Variants in FBLN1 observed in about 807,000 individuals in gnomAD.
FBLN1 encodes fibulin-1.
A neutral mutation model predicts 89.7 loss-of-function variants in FBLN1; 34 were observed. The observed-to-expected ratio is 0.38, with a 90% CI of 0.29 to 0.50. The LOEUF is 0.50. FBLN1 is among the 20% of genes least tolerant of loss of function. FBLN1 has a pLI of 0.92. For missense variants in FBLN1, 777 were observed against 988.1 expected (o/e 0.79, Z 2.86); for synonymous variants, 393 against 391.3 (o/e 1.00, Z -0.05).
At position 45,550,397 on chromosome 22, in the gene FBLN1, C is replaced by T. The variant is rs2088686133; in HGVS notation, c.1574-95C>T. ...GGGATGGCCTGATCGCCACCCCTAACCCTAGTTGATGGGAGGCCTGGGCTC... is the reference window on the plus strand; with the variant it reads ...GGGATGGCCTGATCGCCACCCCTAATCCTAGTTGATGGGAGGCCTGGGCTC... On this transcript the variant is annotated intron_variant, in intron 13 of 16. Transcript: ENST00000327858. This position sits in a 1 kb window ranked among gnomAD's most constrained non-coding sequence, Gnocchi z 8.4. 1 of 1,583,586 alleles carries T rather than the reference C, an allele frequency of 6.3e-7. No homozygotes were observed. The highest frequency in any genetic ancestry group is 8.6e-7 in the Non-Finnish European group (1 of 1,156,912).
rs143083980 is a variant in FBLN1, at chr22:45,585,386, T to G, written c.1972+8278T>G. ...ATCACCTCGTTAAAATTATTACCTC[T>G]TAAGGGGTTAAATGTGCGCCGCTGA... On this transcript the variant is annotated intron_variant, in intron 16 of 16. Coordinates refer to ENST00000327858, the MANE Select transcript of FBLN1 (RefSeq NM_006486.3). Among the ~76,000 whole-genome samples the G allele has an allele frequency of 2.1e-4, 32 of 152,318 alleles. No individual in the cohort carries two copies. The East Asian group carries it at 6.2e-3, about 29-fold the overall frequency.
At chr22:45,542,056 A>G (rs1426889578) in intron 9 of FBLN1, 99 bp from the exon 10 acceptor site, 20 of 1,563,842 alleles carry the variant, frequency 1.3e-5, no homozygotes, top group South Asian at 1.1e-5. Context: ...GCCTGTTTCC[A>G]TGTCCATGTG....
Position 45,536,046 on chromosome 22 carries a change from A to G in FBLN1, c.922+709A>G, listed in dbSNP as rs530749471. Among the ~76,000 whole-genome samples the G allele has an allele frequency of 1.7e-4, 26 of 152,296 alleles. No individual in the cohort carries two copies. The highest frequency in any genetic ancestry group is 6.2e-4 in the South Asian group (3 of 4,816). On this transcript the variant is annotated intron_variant, in intron 8 of 16. Transcript: ENST00000327858. The surrounding 1 kb of genome is among the most constrained non-coding windows in gnomAD (Gnocchi z 5.1). ...AAAAATTAGCTGGGTGTAGTGGCGC[A>G]TGCCTACAGTCCCAGCTACTTGGGA... is the stretch of plus-strand genomic sequence containing the variant.
At position 45,580,028 on chromosome 22, in the gene FBLN1, C is replaced by T. The variant is rs1249094540; in HGVS notation, c.1972+2920C>T. On this transcript the variant is annotated intron_variant, in intron 16 of 16. Coordinates refer to ENST00000327858, the MANE Select transcript of FBLN1 (RefSeq NM_006486.3). The surrounding 1 kb of genome is among the most constrained non-coding windows in gnomAD (Gnocchi z 8.6). ...TGCTGGGCACCTTCACCCCCGCATT[C>T]CCCAGTCCTCACAGACACTGCCAGC... 6.6e-6 allele frequency among the ~76,000 whole-genome samples: 1 copy of T among 152,106 alleles called. No individual in the cohort carries two copies. The highest frequency in any genetic ancestry group is 1.5e-5 in the Non-Finnish European group (1 of 68,020).
At chr22:45,520,993 T>C (rs1315023843) in intron 2 of FBLN1, among the ~76,000 whole-genome samples, 1 of 152,040 alleles carries the variant, frequency 6.6e-6, no homozygotes, top group African/African-American at 2.4e-5. Flanking sequence ...TTTTTGTATT[T>C]TTAGTAGAGA....
In FBLN1 at chr22:45,568,610, GGGAATGCTCCTCCTGTAA is replaced by G. The variant is rs1569260232; in HGVS notation, c.1698-5898_1698-5881del. Among the ~76,000 whole-genome samples, 54 of 38,888 alleles carry G rather than the reference GGGAATGCTCCTCCTGTAA, an allele frequency of 1.4e-3. 2 individuals are homozygous for G. The highest frequency in any genetic ancestry group is 1.8e-3 in the Non-Finnish European group (26 of 14,630). 25.5% of individuals were successfully genotyped at this position (38,888 alleles called of 152,430 possible). A position where few individuals can be genotyped will look rare whatever the true frequency, so the allele number is the denominator to read the frequency against. On this transcript the variant is annotated intron_variant, in intron 14 of 16. Coordinates refer to ENST00000327858, the MANE Select transcript of FBLN1 (RefSeq NM_006486.3). ...CTGTAGGGGAATGCTCCTTCTGTAA[GGGAATGCTCCTCCTGTAA>G]GGGAATGCCTCTTCTGTGGGAGAAT...
chr22:45,535,141 T>C (rs773395384), intron 7 of FBLN1, 59 bp from the exon 8 acceptor site: 17 of 1,601,656 alleles, frequency 1.1e-5, no homozygotes, highest in Non-Finnish European at 1.5e-5. Context: ...TTTTAAAGTG[T>C]TGTAAGATGC....
Position 45,576,719 on chromosome 22 carries a change from T to C in FBLN1, c.1841-258T>C, listed in dbSNP as rs2089000261. ...CTCACCAGCCCTTCCTCTGATTAGC[T>C]CTGTGTCCCCGAGGAAGATCCAAAA... On this transcript the variant is annotated intron_variant, in intron 15 of 16. Transcript: ENST00000327858. The surrounding 1 kb of genome is among the most constrained non-coding windows in gnomAD (Gnocchi z 5.2). Among the ~76,000 whole-genome samples the C allele has an allele frequency of 6.6e-6, 1 of 152,152 alleles. No individual in the cohort carries two copies.
chr22:45,585,910 G>T (rs2089081507), intron 16 of FBLN1, among the ~76,000 whole-genome samples: 1 of 152,142 alleles, frequency 6.6e-6, no homozygotes, highest in African/African-American at 2.4e-5. Context: ...CCTCCTTGAG[G>T]TTATCAGCCC....
At position 45,536,918 on chromosome 22, in the gene FBLN1, C is replaced by G. The variant is rs1253627074; in HGVS notation, c.922+1581C>G. 6.6e-6 allele frequency among the ~76,000 whole-genome samples: 1 copy of G among 152,210 alleles called. No individual in the cohort carries two copies. The highest frequency in any genetic ancestry group is 1.5e-5 in the Non-Finnish European group (1 of 68,040). On this transcript the variant is annotated intron_variant, in intron 8 of 16. Coordinates refer to ENST00000327858, the MANE Select transcript of FBLN1 (RefSeq NM_006486.3). This position sits in a 1 kb window ranked among gnomAD's most constrained non-coding sequence, Gnocchi z 5.1. ...GGGTGCGGCCGGGGAGCTGGCCGGC[C>G]TGGGTTACTGGTTCTGGAAAGACAG... is the stretch of plus-strand genomic sequence containing the variant.
intron 16 of FBLN1, among the ~76,000 whole-genome samples, chr22:45,591,144 G>A (rs2089132803): frequency 6.6e-6 from 1 of 152,206 alleles, no homozygotes; most frequent in African/African-American, 2.4e-5. Context: ...CTTGGTGGAA[G>A]GGGCAGTGGC....
At chr22:45,543,771 C>T (rs952016730) in intron 11 of FBLN1, among the ~76,000 whole-genome samples, 8 of 152,232 alleles carry the variant, frequency 5.3e-5, no homozygotes, top group Admixed American at 4.6e-4. Context: ...AGAGGCCATG[C>T]GGGATGTGGC....
chr22:45,598,360 T>TACCC (rs2089203579), intron 16 of FBLN1, among the ~76,000 whole-genome samples: 1 of 152,202 alleles, frequency 6.6e-6, no homozygotes, highest in Non-Finnish European at 1.5e-5. Flanking sequence ...GTTAGATAGT[T>TACCC]ACCCCACATC....
At chr22:45,594,730 ATAGATGGATGGGTGAG>A (rs1745329206) in intron 16 of FBLN1, among the ~76,000 whole-genome samples, 2 of 128,006 alleles carry the variant, frequency 1.6e-5, no homozygotes, top group South Asian at 2.7e-4. Flanking sequence ...GGATGGATGG[ATAGATGGATGGGTGAG>A]TGGATAGATG....
chr22:45,557,920 C>T lies in FBLN1; in HGVS notation c.1697+7305C>T, dbSNP rs2088809072. On this transcript the variant is annotated intron_variant, in intron 14 of 16. Transcript: ENST00000327858. This position sits in a 1 kb window ranked among gnomAD's most constrained non-coding sequence, Gnocchi z 4.9. Reference sequence around the variant, plus strand: ...ACAACCAGGTGCATTGCTTGAAGTTCTGCCCACTGGGAAGATTTCCCTTTG... The same window carrying T: ...ACAACCAGGTGCATTGCTTGAAGTTTTGCCCACTGGGAAGATTTCCCTTTG... 3.2e-6 allele frequency: 2 copies of T among 616,790 alleles called. No individual in the cohort carries two copies. Among genetic ancestry groups the T allele is most frequent in the East Asian group, 3.0e-5 (1 of 33,128 alleles). 38.2% of individuals were successfully genotyped at this position (616,790 alleles called of 1,614,324 possible).
intron 9 of FBLN1, 63 bp from the exon 10 acceptor site, chr22:45,542,092 C>A (rs1320597193): frequency 1.9e-6 from 3 of 1,612,048 alleles, no homozygotes; most frequent in Admixed American, 1.7e-5. Flanking sequence ...CCTTTCTGAT[C>A]ATCTTGGGGG....
At position 45,563,260 on chromosome 22, in the gene FBLN1, G is replaced by T. The variant is rs751651153; in HGVS notation, c.1698-11251G>T. ...AGCTTTTCATCTTTGTGTCTGCAGAGCTCTGAGCACTCGCTTCGCGTCGCG... is the reference window on the plus strand; with the variant it reads ...AGCTTTTCATCTTTGTGTCTGCAGATCTCTGAGCACTCGCTTCGCGTCGCG... On this transcript the variant is annotated intron_variant, in intron 14 of 16. Transcript: ENST00000327858. This position sits in a 1 kb window ranked among gnomAD's most constrained non-coding sequence, Gnocchi z 5.7. The T allele has an allele frequency of 1.9e-6, 3 of 1,613,616 alleles. No individual in the cohort carries two copies. The highest frequency in any genetic ancestry group is 2.5e-6 in the Non-Finnish European group (3 of 1,180,042).
At position 45,591,000 on chromosome 22, in the gene FBLN1, C is replaced by T. The variant is rs191418095; in HGVS notation, c.1973-9307C>T. On this transcript the variant is annotated intron_variant, in intron 16 of 16. Coordinates refer to ENST00000327858, the MANE Select transcript of FBLN1 (RefSeq NM_006486.3). This position sits in a 1 kb window ranked among gnomAD's most constrained non-coding sequence, Gnocchi z 4.1. ...GGCTGAGGTCGGCTCAGGAGACACA[C>T]GGAGGGAGGGGACATGATTTCTTAT... 1.7e-3 allele frequency among the ~76,000 whole-genome samples: 254 copies of T among 152,122 alleles called. 1 individual carries two copies. The highest frequency in any genetic ancestry group is 5.9e-3 in the African/African-American group (243 of 41,498).
chr22:45,570,569 TAAC>T (rs2088945221), intron 14 of FBLN1, among the ~76,000 whole-genome samples: 2 of 151,196 alleles, frequency 1.3e-5, no homozygotes, highest in African/African-American at 4.9e-5. Flanking sequence ...AAGAAAGAAA[TAAC>T]AAGAGATGAA....
Sources: gnomAD v4.1 joint callset for allele counts (sites outside exome capture counted in the v4.1 genomes callset) on GRCh38, gnomAD v4.1.1 for gene constraint, Gnocchi (gnomAD v3.1) non-coding constraint, MANE v1.5 for transcripts, NCBI Gene and HGNC (gene_info 2026-07-23, HGNC 2026-07-21) for gene names.